Variants in RAB30 observed in about 807,000 individuals in gnomAD.
RAB30 encodes the protein ras-related protein Rab-30.
RAB30 carries 9 observed loss-of-function variants against 25.1 expected under a neutral mutation model. That is an observed-to-expected ratio of 0.36 (90% CI 0.22 to 0.63). The LOEUF (loss-of-function observed/expected upper bound fraction) is 0.63, where lower values mean the gene tolerates loss of function less well. Among genes scored for constraint, RAB30 ranks in the 20% least tolerant of loss-of-function variants. The pLI is 0.69. For synonymous variants in RAB30, 77 were observed against 86.4 expected (o/e 0.89, Z 0.60); for missense variants, 140 against 243.5 (o/e 0.58, Z 2.83).
At chr11:83,069,060 G>C (rs1448778468) in intron 1 of RAB30, among the ~76,000 whole-genome samples, 1 of 152,160 alleles carries the variant, frequency 6.6e-6, no homozygotes. Flanking sequence ...ATTATAGAGG[G>C]CTATAACATC....
At chr11:83,002,808 G>A (rs1192113608) in intron 1 of RAB30, among the ~76,000 whole-genome samples, 6 of 152,098 alleles carry the variant, frequency 3.9e-5, no homozygotes, top group Admixed American at 2.6e-4. Context: ...AAATGAATAA[G>A]TGGCCTTAAA....
Position 82,980,379 on chromosome 11 carries a change from C to T in RAB30, c.*1786G>A, listed in dbSNP as rs1300873165. ...CAGCCCCTTAAAAAATATGCATAAT[C>T]TCATGTGCAAGACACTGGTCAATCT... On this transcript the variant is annotated 3_prime_UTR_variant, in exon 5 of 5. Coordinates refer to ENST00000527633, the MANE Select transcript of RAB30 (RefSeq NM_001286060.2). The T allele has an allele frequency of 6.6e-6, 1 of 152,208 alleles. No homozygotes were observed. The highest frequency in any genetic ancestry group is 1.5e-5 in the Non-Finnish European group (1 of 68,032). The allele number at this position is 152,208 out of a possible 1,614,324, so 9.4% of individuals were successfully genotyped here.
At chr11:83,046,674 T>G (rs1207386474) in intron 1 of RAB30, among the ~76,000 whole-genome samples, 4 of 152,100 alleles carry the variant, frequency 2.6e-5, no homozygotes, top group African/African-American at 9.7e-5. Context: ...ATTTTTATTT[T>G]GTAGAGACAG....
In RAB30 at chr11:82,976,101, G is replaced by T. The variant is rs1413110529; in HGVS notation, c.*6064C>A. 2.6e-5 allele frequency: 4 copies of T among 152,172 alleles called. No individual in the cohort carries two copies. Among genetic ancestry groups the T allele is most frequent in the Non-Finnish European group, 5.9e-5 (4 of 68,024 alleles). 9.4% of individuals were successfully genotyped at this position (152,172 alleles called of 1,614,324 possible). On this transcript the variant is annotated 3_prime_UTR_variant, in exon 5 of 5. Coordinates refer to ENST00000527633, the MANE Select transcript of RAB30 (RefSeq NM_001286060.2). Reference sequence around the variant, plus strand: ...TGTAAAGAAATGGAGGGTGACAGTAGTAATGCCCAAAGGCAAAAGGATGGA... The same window carrying T: ...TGTAAAGAAATGGAGGGTGACAGTATTAATGCCCAAAGGCAAAAGGATGGA...
chr11:83,067,681 T>C (rs984831042), intron 1 of RAB30, among the ~76,000 whole-genome samples: 1 of 152,154 alleles, frequency 6.6e-6, no homozygotes, highest in Admixed American at 6.5e-5. Context: ...CAACAAATCT[T>C]ATCAATTACA....
chr11:82,987,762 G>C lies in RAB30; in HGVS notation c.186C>G (p.Ile62Met). 1 of 1,604,092 alleles carries C rather than the reference G, an allele frequency of 6.2e-7. No individual in the cohort carries two copies. The highest frequency in any genetic ancestry group is 1.1e-5 in the South Asian group (1 of 90,272). ...ATCTCTCTTGACCTGCTGTGTCCCA[G>C]ATCTGTAGCTGTAAAGGCATAAGAT... Reference protein sequence around the residue: ...EINGEKVKLQIWDTAGQERFR... With the variant: ...EINGEKVKLQMWDTAGQERFR... The change falls in exon 4 of 5, where the codon ATC becomes ATG. Residue 62 changes from isoleucine (I) to methionine (M), a missense_variant. Coordinates refer to ENST00000527633, the MANE Select transcript of RAB30 (RefSeq NM_001286060.2).
intron 1 of RAB30, among the ~76,000 whole-genome samples, chr11:83,002,175 G>A (rs965594006): frequency 6.6e-6 from 1 of 152,142 alleles, no homozygotes; most frequent in African/African-American, 2.4e-5. Flanking sequence ...AGGGCTAGAG[G>A]CTCAGTTGAA....
At chr11:83,069,559 C>T (rs1858784105) in intron 1 of RAB30, among the ~76,000 whole-genome samples, 1 of 151,984 alleles carries the variant, frequency 6.6e-6, no homozygotes, top group South Asian at 2.1e-4. Flanking sequence ...TGCTACTCAG[C>T]AATCCACAGG....
At chr11:82,982,660 G>A (rs778160559) in intron 4 of RAB30, among the ~76,000 whole-genome samples, 2 of 152,092 alleles carry the variant, frequency 1.3e-5, no homozygotes, top group Non-Finnish European at 2.9e-5. Flanking sequence ...TCAGGAGTTC[G>A]AGACTAGCCT....
rs1856519494 is a variant in RAB30, at chr11:82,974,995, T to G, written c.*7170A>C. 6.6e-6 allele frequency: 1 copy of G among 151,092 alleles called. No homozygotes were observed. The highest frequency in any genetic ancestry group is 1.5e-5 in the Non-Finnish European group (1 of 67,666). The allele number at this position is 151,092 out of a possible 1,614,324, so 9.4% of individuals were successfully genotyped here. On this transcript the variant is annotated 3_prime_UTR_variant, in exon 5 of 5. Transcript: ENST00000527633. ...ACAGAAATTTTGCTCACGAGTTAGT[T>G]CAAATACATTTATGTAGCTCCCTTA...
chr11:82,989,990 A>G (rs1856818428), intron 3 of RAB30, among the ~76,000 whole-genome samples: 1 of 152,282 alleles, frequency 6.6e-6, no homozygotes. Context: ...AACAGCTCAC[A>G]GTCTATAGAA....
chr11:83,065,823 CA>C (rs1858683986), intron 1 of RAB30, among the ~76,000 whole-genome samples: 1 of 152,188 alleles, frequency 6.6e-6, no homozygotes, highest in African/African-American at 2.4e-5. Context: ...AACCTCCCAA[CA>C]ACCTTACAAA....
intron 1 of RAB30, among the ~76,000 whole-genome samples, chr11:83,022,230 G>A (rs1322845136): frequency 6.6e-6 from 1 of 152,124 alleles, no homozygotes; most frequent in Non-Finnish European, 1.5e-5. Flanking sequence ...ACGATCACAT[G>A]GCCAGTGAAG....
rs574368410 is a variant in RAB30 at position 83,008,857 on chromosome 11, G to A, written c.-8-11533C>T. On this transcript the variant is annotated intron_variant, in intron 1 of 4. Coordinates refer to ENST00000527633, the MANE Select transcript of RAB30 (RefSeq NM_001286060.2). ...ACCAGGCTCCCTGCAGCCAGTCTAC[G>A]AAGTGTTTTCCCAAAAGTGCCAACT... Among the ~76,000 whole-genome samples, 14 of 152,194 alleles carry A rather than the reference G, an allele frequency of 9.2e-5. No homozygotes were observed. The East Asian group carries it at 2.5e-3, about 27-fold the overall frequency.
rs1482468220 is a variant in RAB30, at chr11:82,979,374, A to G, written c.*2791T>C. 1 of 152,228 alleles carries G rather than the reference A, an allele frequency of 6.6e-6. No homozygotes were observed. The highest frequency in any genetic ancestry group is 1.5e-5 in the Non-Finnish European group (1 of 68,032). 9.4% of individuals were successfully genotyped at this position (152,228 alleles called of 1,614,324 possible). On this transcript the variant is annotated 3_prime_UTR_variant, in exon 5 of 5. Coordinates refer to ENST00000527633, the MANE Select transcript of RAB30 (RefSeq NM_001286060.2). ...TTAGTAGACCGAGCCAAATTAAACTATATGATAAAGCAATTTCTCTTTTTT... is the reference window on the plus strand; with the variant it reads ...TTAGTAGACCGAGCCAAATTAAACTGTATGATAAAGCAATTTCTCTTTTTT...
At chr11:83,036,502 T>C (rs561997059) in intron 1 of RAB30, among the ~76,000 whole-genome samples, 6 of 152,286 alleles carry the variant, frequency 3.9e-5, no homozygotes, top group African/African-American at 1.4e-4. Context: ...CAACACCCTT[T>C]CAGTCAATTA....
At chr11:83,000,735 C>G (rs1857059770) in intron 1 of RAB30, among the ~76,000 whole-genome samples, 2 of 152,164 alleles carry the variant, frequency 1.3e-5, no homozygotes, top group South Asian at 2.1e-4. Flanking sequence ...CCAAATTATG[C>G]ACCTTTAGAA....
At chr11:83,053,149 G>C in intron 1 of RAB30, among the ~76,000 whole-genome samples, 1 of 152,118 alleles carries the variant, frequency 6.6e-6, no homozygotes, top group Admixed American at 6.5e-5. Context: ...TCCAGAAATA[G>C]AAACTCTAGT....
Position 83,056,456 on chromosome 11 carries a change from T to C in RAB30, c.-9+15235A>G, listed in dbSNP as rs12290893. On this transcript the variant is annotated intron_variant, in intron 1 of 4. Coordinates refer to ENST00000527633, the MANE Select transcript of RAB30 (RefSeq NM_001286060.2). The stretch of plus-strand genomic sequence containing the variant: ...TGGGCACTTGGGTTGCTTCCATCTT[T>C]TGGCTATGGTGAATAATGCTGCTAG... 2.5e-3 allele frequency among the ~76,000 whole-genome samples: 382 copies of C among 152,308 alleles called. 1 individual carries two copies. The highest frequency in any genetic ancestry group is 7.7e-3 in the African/African-American group (320 of 41,568).
Sources: gnomAD v4.1 joint callset for allele counts (sites outside exome capture counted in the v4.1 genomes callset) on GRCh38, gnomAD v4.1.1 for gene constraint, MANE v1.5 for transcripts, NCBI Gene and HGNC (gene_info 2026-07-23, HGNC 2026-07-21) for gene names.